Variants in PTPRN2 observed in about 807,000 individuals in gnomAD.
PTPRN2 encodes the protein protein tyrosine phosphatase receptor type N2.
Under a neutral mutation model 118.8 loss-of-function variants are expected in PTPRN2, and 74 were observed. The observed-to-expected ratio is 0.62, with a 90% CI of 0.52 to 0.76. The LOEUF is 0.76. PTPRN2 is among the 30% of genes least tolerant of loss of function. The pLI is 0.00. For synonymous variants in PTPRN2, 641 were observed against 608.0 expected, an observed-to-expected ratio of 1.05 and a Z score of -0.80; for missense variants, 1,481 against 1,394.4, an observed-to-expected ratio of 1.06 and a Z score of -0.99.
In PTPRN2 at chr7:158,530,671, T is replaced by C. The variant is rs184066407; in HGVS notation, c.113-40886A>G. On this transcript the variant is annotated intron_variant, in intron 1 of 22. Transcript: ENST00000389418. Reference sequence around the variant, plus strand: ...TGTGTGCCCATGTGAGGTGTATGTGTGCAGGTTTACACTAACATATGAAAC... The same window carrying C: ...TGTGTGCCCATGTGAGGTGTATGTGCGCAGGTTTACACTAACATATGAAAC... Among the ~76,000 whole-genome samples, 160 of 152,340 alleles carry C rather than the reference T, an allele frequency of 1.1e-3. 2 individuals are homozygous for C. In the East Asian group the frequency reaches 0.024, roughly 23 times the overall value.
intron 12 of PTPRN2, among the ~76,000 whole-genome samples, chr7:157,856,876 A>G (rs1168915939): frequency 6.6e-6 from 1 of 152,224 alleles, no homozygotes; most frequent in Non-Finnish European, 1.5e-5. Flanking sequence ...AGTGTACACC[A>G]AGAAAGGTTT....
At chr7:158,248,541 A>T (rs927611879) in intron 3 of PTPRN2, among the ~76,000 whole-genome samples, 1 of 148,596 alleles carries the variant, frequency 6.7e-6, no homozygotes, top group Non-Finnish European at 1.5e-5. Flanking sequence ...CACCCCATGC[A>T]CACATATCAC....
chr7:158,191,101 G>A (rs1366460741), intron 5 of PTPRN2, among the ~76,000 whole-genome samples: 2 of 152,252 alleles, frequency 1.3e-5, no homozygotes, highest in Non-Finnish European at 2.9e-5. Flanking sequence ...AGCTGGCCTG[G>A]GATTGAGCTT....
chr7:158,159,728 C>T (rs6459846), intron 6 of PTPRN2, among the ~76,000 whole-genome samples: 37,645 of 152,064 alleles, frequency 0.25, 6,238 homozygotes, highest in African/African-American at 0.48. Flanking sequence ...AAAACGCTTT[C>T]GCTGTCATCA....
intron 12 of PTPRN2, among the ~76,000 whole-genome samples, chr7:157,838,608 G>A (rs940272975): frequency 3.0e-5 from 3 of 101,166 alleles, no homozygotes; most frequent in Non-Finnish European, 5.7e-5. Context: ...CCTCTCCACC[G>A]TGGCTACTCC....
chr7:158,318,654 A>G (rs2151100640), intron 2 of PTPRN2, among the ~76,000 whole-genome samples: 1 of 152,298 alleles, frequency 6.6e-6, no homozygotes, highest in East Asian at 1.9e-4. Flanking sequence ...TGCACTCCCC[A>G]CCCTCAGAAG....
chr7:158,268,425 G>T (rs1436883593), intron 3 of PTPRN2, among the ~76,000 whole-genome samples: 1 of 147,168 alleles, frequency 6.8e-6, no homozygotes, highest in Non-Finnish European at 1.5e-5. Flanking sequence ...TAATATCCCA[G>T]CCGCATGCAC....
intron 12 of PTPRN2, among the ~76,000 whole-genome samples, chr7:157,877,817 C>A (rs1444881759): frequency 1.3e-5 from 2 of 152,306 alleles, no homozygotes; most frequent in Non-Finnish European, 2.9e-5. Context: ...CTTCAGAAAC[C>A]ACATTCCCCA....
At chr7:157,895,545 A>G (rs1038651914) in intron 12 of PTPRN2, among the ~76,000 whole-genome samples, 1 of 152,282 alleles carries the variant, frequency 6.6e-6, no homozygotes, top group African/African-American at 2.4e-5. Flanking sequence ...ATAAATTACT[A>G]AATAAAAATT....
intron 11 of PTPRN2, among the ~76,000 whole-genome samples, chr7:157,995,470 C>T (rs936766946): frequency 2.6e-5 from 4 of 152,270 alleles, no homozygotes; most frequent in African/African-American, 9.6e-5. Context: ...AGGGAGAGAT[C>T]TCACCAGTCC....
intron 2 of PTPRN2, among the ~76,000 whole-genome samples, chr7:158,439,385 G>A (rs1816814996): frequency 6.6e-6 from 1 of 152,164 alleles, no homozygotes; most frequent in Non-Finnish European, 1.5e-5. Flanking sequence ...CAGATATTTT[G>A]TGCTCACAAG....
chr7:158,432,358 A>G (rs1816279304), intron 2 of PTPRN2, among the ~76,000 whole-genome samples: 1 of 152,156 alleles, frequency 6.6e-6, no homozygotes, highest in African/African-American at 2.4e-5. Context: ...CTGACTACAA[A>G]CGACAAAGTC....
intron 12 of PTPRN2, among the ~76,000 whole-genome samples, chr7:157,743,306 C>T (rs1800740667): frequency 6.6e-6 from 1 of 152,150 alleles, no homozygotes. Flanking sequence ...TGGTAATGGG[C>T]TTGGACCTGC....
chr7:158,338,569 GTCAC>G (rs1806131677), intron 2 of PTPRN2, among the ~76,000 whole-genome samples: 1 of 109,814 alleles, frequency 9.1e-6, no homozygotes, highest in Admixed American at 9.2e-5. Context: ...ACCTGCAGAC[GTCAC>G]TCACACCCAC....
At chr7:158,057,152 C>T (rs979672861) in intron 11 of PTPRN2, among the ~76,000 whole-genome samples, 9 of 152,224 alleles carry the variant, frequency 5.9e-5, no homozygotes, top group African/African-American at 1.9e-4. Context: ...CTCTGCAATT[C>T]TATTTTATGA....
chr7:157,665,443 G>A (rs1037733956), intron 13 of PTPRN2, among the ~76,000 whole-genome samples: 2 of 152,208 alleles, frequency 1.3e-5, no homozygotes, highest in African/African-American at 4.8e-5. Flanking sequence ...TGCGATGTCG[G>A]CGGCACTTGC....
At chr7:157,554,974 G>A (rs1414322643) in intron 21 of PTPRN2, among the ~76,000 whole-genome samples, 2 of 152,088 alleles carry the variant, frequency 1.3e-5, no homozygotes, top group South Asian at 2.1e-4. Context: ...TGTGGCGGGC[G>A]CCCCAGTGTG....
At chr7:158,448,828 C>G (rs1378440014) in intron 2 of PTPRN2, among the ~76,000 whole-genome samples, 1 of 152,230 alleles carries the variant, frequency 6.6e-6, no homozygotes, top group Non-Finnish European at 1.5e-5. Context: ...TCCAGCCCCA[C>G]CAGCGTTTCC....
In PTPRN2 at chr7:157,949,244, G is replaced by A. The variant is rs576874318; in HGVS notation, c.1724-50507C>T. 5.9e-5 allele frequency among the ~76,000 whole-genome samples: 9 copies of A among 152,330 alleles called. No homozygotes were observed. In the South Asian group the frequency reaches 1.9e-3, roughly 32 times the overall value. Reference sequence around the variant, plus strand: ...AAGTAAAATGATGCATTTTGGGATGGTGAAAATGTTACATACAGGTGGCAG... The same window carrying A: ...AAGTAAAATGATGCATTTTGGGATGATGAAAATGTTACATACAGGTGGCAG... On this transcript the variant is annotated intron_variant, in intron 11 of 22. Coordinates refer to ENST00000389418, the MANE Select transcript of PTPRN2 (RefSeq NM_002847.5).
Sources: allele counts gnomAD v4.1 joint callset (sites outside exome capture counted in the v4.1 genomes callset), GRCh38; gene constraint gnomAD v4.1.1; transcripts MANE v1.5; gene names NCBI Gene and HGNC (gene_info 2026-07-23, HGNC 2026-07-21).